Variants in TSHR observed in about 807,000 individuals in gnomAD.
TSHR encodes thyroid stimulating hormone receptor.
TSHR carries 51 observed loss-of-function variants against 64.1 expected under a neutral mutation model. That is an observed-to-expected ratio of 0.80 (90% CI 0.64 to 1.01). The LOEUF (loss-of-function observed/expected upper bound fraction) is 1.01, where lower values mean the gene tolerates loss of function less well. Ranked by LOEUF, TSHR falls within the 50% of genes least tolerant of loss-of-function variation. TSHR has a pLI of 0.00. For missense variants in TSHR, 877 were observed against 942.8 expected (o/e 0.93, Z 0.91); for synonymous variants, 361 against 361.9 (o/e 1.00, Z 0.03).
chr14:80,997,528 A>C (rs1273493594), intron 1 of TSHR, among the ~76,000 whole-genome samples: 15 of 152,202 alleles, frequency 9.9e-5, no homozygotes, highest in Admixed American at 9.8e-4. Flanking sequence ...GCTTTGCCAC[A>C]TAGAGAGGAA....
intron 1 of TSHR, among the ~76,000 whole-genome samples, chr14:81,015,893 G>A (rs561129975): frequency 4.5e-4 from 68 of 151,910 alleles, no homozygotes; most frequent in African/African-American, 1.6e-3. Flanking sequence ...TTGTGTACCT[G>A]GCCAATTTCA....
At chr14:80,999,944 T>TTTTTTTTTTTTTTTTC (rs1555370187) in intron 1 of TSHR, among the ~76,000 whole-genome samples, 1 of 150,128 alleles carries the variant, frequency 6.7e-6, no homozygotes, top group Non-Finnish European at 1.5e-5. Flanking sequence ...TCTTTTTTTT[T>TTTTTTTTTTTTTTTTC]TTTTTGAGAC....
At chr14:81,101,381 T>C (rs1173979915) in intron 7 of TSHR, among the ~76,000 whole-genome samples, 1 of 152,074 alleles carries the variant, frequency 6.6e-6, no homozygotes, top group East Asian at 1.9e-4. Flanking sequence ...AAACTACAAC[T>C]TGAAATACAA....
At position 80,983,732 on chromosome 14, in the gene TSHR, T is replaced by C. The variant is rs147825735; in HGVS notation, c.170+27882T>C. 7.3e-4 allele frequency: 310 copies of C among 427,268 alleles called. 1 individual carries two copies. In the East Asian group the frequency reaches 1.0e-2, roughly 14 times the overall value. The allele number at this position is 427,268 out of a possible 1,614,324, so 26.5% of individuals were successfully genotyped here. A position where few individuals can be genotyped will look rare whatever the true frequency, so the allele number is the denominator to read the frequency against. On this transcript the variant is annotated intron_variant, in intron 1 of 9. Coordinates refer to ENST00000298171, the MANE Select transcript of TSHR (RefSeq NM_000369.5). ...CTTGTATCATATTTGGTTATTATGG[T>C]GTACAAGTTATACATTGCATCTTTA... is the stretch of plus-strand genomic sequence containing the variant.
At chr14:81,041,041 A>T (rs2139844793) in intron 1 of TSHR, among the ~76,000 whole-genome samples, 1 of 152,292 alleles carries the variant, frequency 6.6e-6, no homozygotes, top group Middle Eastern at 3.4e-3. Flanking sequence ...GTAGAGAAAA[A>T]GGAATGCTTT....
chr14:81,123,463 A>G (rs1033278933), intron 8 of TSHR, among the ~76,000 whole-genome samples: 4 of 152,236 alleles, frequency 2.6e-5, no homozygotes, highest in African/African-American at 9.6e-5. Flanking sequence ...ACCTTCCTGT[A>G]TCAAAACAGA....
At chr14:80,985,942 A>G (rs1375712516) in intron 1 of TSHR, among the ~76,000 whole-genome samples, 2 of 152,198 alleles carry the variant, frequency 1.3e-5, no homozygotes, top group African/African-American at 4.8e-5. Context: ...TCTTCCTGTC[A>G]CATGTGCTGA....
intron 1 of TSHR, among the ~76,000 whole-genome samples, chr14:81,026,906 G>C (rs1884088362): frequency 6.6e-6 from 1 of 151,680 alleles, no homozygotes; most frequent in Non-Finnish European, 1.5e-5. Context: ...TGTGGTGGCG[G>C]GCACCTATAA....
intron 7 of TSHR, chr14:81,102,649 C>A: frequency 2.9e-6 from 1 of 339,560 alleles, no homozygotes; most frequent in Non-Finnish European, 4.2e-6. Context: ...AGTGTGAAAG[C>A]AGCCATAGAC....
intron 1 of TSHR, among the ~76,000 whole-genome samples, chr14:80,957,332 A>G (rs1211240595): frequency 6.6e-6 from 1 of 151,922 alleles, no homozygotes; most frequent in Non-Finnish European, 1.5e-5. Context: ...GCCCTTAGAC[A>G]TTGTCTACTT....
rs193285281 is a variant in TSHR, at chr14:81,108,958, G to T, written c.692+506G>T. 905 of 1,328,280 alleles carry T rather than the reference G, an allele frequency of 6.8e-4. 4 individuals are homozygous for T. In the African/African-American group the frequency reaches 0.012, roughly 18 times the overall value. 82.3% of individuals were successfully genotyped at this position (1,328,280 alleles called of 1,614,324 possible). On this transcript the variant is annotated intron_variant, in intron 8 of 9. Transcript: ENST00000298171. ...AAACAGCATGAAAACATACCTATTT[G>T]TGCATTTCCTTTGATTTACACCCCC...
intron 1 of TSHR, among the ~76,000 whole-genome samples, chr14:81,034,855 G>A (rs726628): frequency 0.24 from 37,208 of 152,120 alleles, 4,674 homozygotes; most frequent in South Asian, 0.33. Flanking sequence ...CACAAACCCA[G>A]ATGAAGGGTT....
intron 3 of TSHR, among the ~76,000 whole-genome samples, chr14:81,075,638 CT>C (rs1887444272): frequency 8.2e-6 from 1 of 122,228 alleles, no homozygotes; most frequent in African/African-American, 3.1e-5. Context: ...AATGCTATCC[CT>C]CCCCCCTCCC....
chr14:81,024,769 C>T (rs1485699668), intron 1 of TSHR, among the ~76,000 whole-genome samples: 2 of 152,122 alleles, frequency 1.3e-5, no homozygotes, highest in African/African-American at 2.4e-5. Context: ...CTATGGTAAA[C>T]ATCAAGCAGT....
At position 81,096,923 on chromosome 14, in the gene TSHR, GGT is replaced by G. The variant is rs147149121; in HGVS notation, c.614+245_614+246del. Among the ~76,000 whole-genome samples, 728 of 148,490 alleles carry G rather than the reference GGT, an allele frequency of 4.9e-3. 7 individuals are homozygous for G. Among genetic ancestry groups the G allele is most frequent in the Middle Eastern group, 0.031 (9 of 290 alleles). ...GGTAAGTTCCAAAGCTTTTCTCCCT[GGT>G]GTGTGTGTGTGTGTGTGTGTGTGTG... On this transcript the variant is annotated intron_variant, in intron 7 of 9. Transcript: ENST00000298171.
At chr14:81,090,440 T>A (rs1456613009) in intron 4 of TSHR, among the ~76,000 whole-genome samples, 1 of 152,218 alleles carries the variant, frequency 6.6e-6, no homozygotes, top group Non-Finnish European at 1.5e-5. Flanking sequence ...AGACAGGGTT[T>A]CGCCATGTTA....
intron 8 of TSHR, among the ~76,000 whole-genome samples, chr14:81,123,085 C>T (rs2140069263): frequency 6.6e-6 from 1 of 151,820 alleles, no homozygotes; most frequent in South Asian, 2.1e-4. Context: ...CGAGATTGCA[C>T]CATTGTACTG....
intron 8 of TSHR, among the ~76,000 whole-genome samples, chr14:81,122,084 C>G (rs1468072891): frequency 1.0e-5 from 1 of 98,788 alleles, no homozygotes; most frequent in Non-Finnish European, 1.8e-5. Flanking sequence ...TGCTCTGTCA[C>G]CCAGGCTGGA....
chr14:80,957,106 A>G (rs1886735752), intron 1 of TSHR, among the ~76,000 whole-genome samples: 1 of 151,960 alleles, frequency 6.6e-6, no homozygotes, highest in South Asian at 2.1e-4. Context: ...CACTTCCCCA[A>G]AGGTCCCTGC....
Sources: allele counts gnomAD v4.1 joint callset (sites outside exome capture counted in the v4.1 genomes callset), GRCh38; gene constraint gnomAD v4.1.1; transcripts MANE v1.5; gene names NCBI Gene and HGNC (gene_info 2026-07-23, HGNC 2026-07-21).